Variants in GRAMD2A observed in about 807,000 individuals in gnomAD.
GRAMD2A encodes GRAM domain-containing protein 2A.
GRAMD2A carries 37 observed loss-of-function variants against 51.1 expected under a neutral mutation model. The ratio of observed to expected loss-of-function variants is 0.72; its 90% CI spans 0.56 to 0.95. GRAMD2A has a LOEUF of 0.95. GRAMD2A is among the 40% of genes least tolerant of loss of function. The probability of loss-of-function intolerance (pLI) is 0.00; values close to 1 mark genes in which losing one functional copy is unlikely to be tolerated. For missense variants in GRAMD2A, 414 were observed against 426.9 expected (o/e 0.97, Z 0.27); for synonymous variants, 136 against 157.1 (o/e 0.87, Z 1.01).
At chr15:72,188,576 A>G (rs1412096536) in intron 1 of GRAMD2A, among the ~76,000 whole-genome samples, 1 of 152,182 alleles carries the variant, frequency 6.6e-6, no homozygotes, top group Non-Finnish European at 1.5e-5. Flanking sequence ...GCCTAATAAT[A>G]TATGTAGAAA....
intron 1 of GRAMD2A, among the ~76,000 whole-genome samples, chr15:72,196,657 G>A (rs555658024): frequency 4.6e-5 from 7 of 152,320 alleles, no homozygotes; most frequent in African/African-American, 1.7e-4. Flanking sequence ...GCTACAGGTG[G>A]ACATGGGGTG....
At position 72,160,989 on chromosome 15, in the gene GRAMD2A, C is replaced by T. The variant is rs142941603; in HGVS notation, c.*1020G>A. 75 of 152,330 alleles carry T rather than the reference C, an allele frequency of 4.9e-4. No homozygotes were observed. The highest frequency in any genetic ancestry group is 1.8e-3 in the African/African-American group (75 of 41,554). 9.4% of individuals were successfully genotyped at this position (152,330 alleles called of 1,614,324 possible). A position where few individuals can be genotyped will look rare whatever the true frequency, so the allele number is the denominator to read the frequency against. On this transcript the variant is annotated 3_prime_UTR_variant, in exon 12 of 12. Transcript: ENST00000309731. ...TGCAACCCAATGACTATGGGGGTGA[C>T]ACAAGTGACCTCTGCCCTGTGATGG...
At position 72,170,893 on chromosome 15, in the gene GRAMD2A, G is replaced by A. The variant is rs572641258; in HGVS notation, c.42-954C>T. 1.5e-4 allele frequency among the ~76,000 whole-genome samples: 23 copies of A among 152,316 alleles called. 1 individual carries two copies. In the South Asian group the frequency reaches 4.1e-3, roughly 27 times the overall value. ...TGGAACCTACAAATCTCAATGCTCA[G>A]TCACCCTCCGCTCTGTGACTGAGGC... On this transcript the variant is annotated intron_variant, in intron 1 of 11. Transcript: ENST00000309731. This position sits in a 1 kb window ranked among gnomAD's most constrained non-coding sequence, Gnocchi z 4.5.
intron 1 of GRAMD2A, among the ~76,000 whole-genome samples, chr15:72,188,760 G>T (rs928155295): frequency 3.3e-5 from 5 of 151,772 alleles, no homozygotes; most frequent in Non-Finnish European, 7.4e-5. Flanking sequence ...TTGGCTCACT[G>T]CAACCTCCGA....
intron 4 of GRAMD2A, 41 bp from the exon 5 acceptor site, chr15:72,167,880 A>G (rs1196604885): frequency 7.0e-7 from 1 of 1,432,748 alleles, no homozygotes; most frequent in African/African-American, 1.4e-5. Context: ...AAGCAAGGTC[A>G]GCCCAGGAAG....
intron 2 of GRAMD2A, 92 bp downstream of exon 2, chr15:72,169,755 C>T: frequency 9.5e-7 from 1 of 1,049,320 alleles, no homozygotes; most frequent in Non-Finnish European, 1.5e-6. Context: ...GGCCCCGGCT[C>T]TGCCTTGAGG....
chr15:72,176,767 G>T (rs1235671170), intron 1 of GRAMD2A, among the ~76,000 whole-genome samples: 1 of 150,644 alleles, frequency 6.6e-6, no homozygotes, highest in Non-Finnish European at 1.5e-5. Flanking sequence ...TTCTCACTCA[G>T]CTCACCTCCT....
chr15:72,166,564 A>G lies in GRAMD2A; in HGVS notation c.543+68T>C. The G allele has an allele frequency of 8.4e-7, 1 of 1,185,514 alleles. No homozygotes were observed. Among genetic ancestry groups the G allele is most frequent in the Non-Finnish European group, 1.3e-6 (1 of 793,040 alleles). The allele number at this position is 1,185,514 out of a possible 1,614,324, so 73.4% of individuals were successfully genotyped here. On this transcript the variant is annotated intron_variant, in intron 7 of 11. Transcript: ENST00000309731. This position sits in a 1 kb window ranked among gnomAD's most constrained non-coding sequence, Gnocchi z 4.1. ...GGAGAGATGGGCGACCTCCCCCAAC[A>G]CCCTTGTGCAAGACCTGCATCCAGG...
At chr15:72,190,875 G>A (rs983177803) in intron 1 of GRAMD2A, among the ~76,000 whole-genome samples, 1 of 152,116 alleles carries the variant, frequency 6.6e-6, no homozygotes, top group Admixed American at 6.6e-5. Flanking sequence ...GGCTGATTCC[G>A]GATCTGAGGA....
chr15:72,162,572 GA>G (rs2081490518), intron 10 of GRAMD2A, among the ~76,000 whole-genome samples, 195 bp from the exon 11 acceptor site: 1 of 152,176 alleles, frequency 6.6e-6, no homozygotes, highest in Admixed American at 6.5e-5. Context: ...TGTCCCCATG[GA>G]AGTGTCCTTA....
intron 1 of GRAMD2A, among the ~76,000 whole-genome samples, chr15:72,171,266 A>T (rs1026620882): frequency 6.6e-6 from 1 of 151,726 alleles, no homozygotes; most frequent in African/African-American, 2.4e-5. Context: ...TGGTTCCATC[A>T]TGTCACATTT....
chr15:72,182,945 C>T (rs985854808), intron 1 of GRAMD2A, among the ~76,000 whole-genome samples: 12 of 152,260 alleles, frequency 7.9e-5, no homozygotes, highest in African/African-American at 7.2e-5. Flanking sequence ...AATCATGGCT[C>T]GCTGCAGCCT....
At position 72,166,897 on chromosome 15, in the gene GRAMD2A, G is replaced by A; in HGVS notation, c.471+97C>T. On this transcript the variant is annotated intron_variant, in intron 6 of 11. Coordinates refer to ENST00000309731, the MANE Select transcript of GRAMD2A (RefSeq NM_001012642.3). This position sits in a 1 kb window ranked among gnomAD's most constrained non-coding sequence, Gnocchi z 4.1. ...ACCTACTGGAGAGCTGCAGGGTGGGGTGAAATAAAGACCTGGGAATGTGCC... is the reference window on the plus strand; with the variant it reads ...ACCTACTGGAGAGCTGCAGGGTGGGATGAAATAAAGACCTGGGAATGTGCC... 9.6e-7 allele frequency: 1 copy of A among 1,040,142 alleles called. No individual in the cohort carries two copies. Among genetic ancestry groups the A allele is most frequent in the Non-Finnish European group, 1.5e-6 (1 of 664,684 alleles). 64.4% of individuals were successfully genotyped at this position (1,040,142 alleles called of 1,614,324 possible).
At chr15:72,178,743 T>G (rs1387205389) in intron 1 of GRAMD2A, among the ~76,000 whole-genome samples, 3 of 151,634 alleles carry the variant, frequency 2.0e-5, no homozygotes, top group Non-Finnish European at 1.5e-5. Context: ...CCCGGCTAAT[T>G]TTTTGTATTT....
At position 72,167,778 on chromosome 15, in the gene GRAMD2A, G is replaced by A. The variant is rs1249817742; in HGVS notation, c.330C>T (p.Asn110=). 4 of 1,614,150 alleles carry A rather than the reference G, an allele frequency of 2.5e-6. No homozygotes were observed. The highest frequency in any genetic ancestry group is 1.1e-5 in the South Asian group (1 of 91,090). ...AGAGGCTGGCATGGAAGCAGAGCCA[G>A]TTGGGGGAGATGTAGAGCCGGCCCT... The part of the protein sequence containing the change: ...LLQGRLYISP[N]WLCFHASLFG... The change falls in exon 5 of 12, where the codon AAC becomes AAT. Residue 110 remains asparagine (N), a synonymous_variant. Coordinates refer to ENST00000309731, the MANE Select transcript of GRAMD2A (RefSeq NM_001012642.3).
intron 1 of GRAMD2A, among the ~76,000 whole-genome samples, chr15:72,181,065 G>A (rs2081693303): frequency 1.3e-5 from 2 of 152,200 alleles, no homozygotes; most frequent in South Asian, 4.1e-4. Flanking sequence ...GGGCGGACAG[G>A]GTCACTGTAG....
chr15:72,190,109 G>A (rs924052242), intron 1 of GRAMD2A, among the ~76,000 whole-genome samples: 2 of 152,214 alleles, frequency 1.3e-5, no homozygotes, highest in Non-Finnish European at 2.9e-5. Context: ...GGGCGTGGTG[G>A]CTCACGCCTG....
At chr15:72,188,478 C>T (rs1212806104) in intron 1 of GRAMD2A, among the ~76,000 whole-genome samples, 3 of 151,836 alleles carry the variant, frequency 2.0e-5, no homozygotes, top group African/African-American at 7.3e-5. Flanking sequence ...AAATATTTAT[C>T]AATATTTATT....
chr15:72,163,165 C>T (rs2081498415), intron 10 of GRAMD2A, 101 bp downstream of exon 10: 1 of 768,070 alleles, frequency 1.3e-6, no homozygotes, highest in African/African-American at 1.7e-5. Flanking sequence ...CAGAAACTTC[C>T]CCCTGGTTCT....
Sources: allele counts gnomAD v4.1 joint callset (sites outside exome capture counted in the v4.1 genomes callset), GRCh38; gene constraint gnomAD v4.1.1; non-coding constraint Gnocchi (gnomAD v3.1); transcripts MANE v1.5; gene names NCBI Gene and HGNC (gene_info 2026-07-23, HGNC 2026-07-21).